KLF12: variants seen among roughly 807,000 people sequenced by gnomAD.
KLF12 encodes the protein Krueppel-like factor 12.
KLF12 carries 9 observed loss-of-function variants against 37.8 expected under a neutral mutation model. The ratio of observed to expected loss-of-function variants is 0.24; its 90% confidence interval spans 0.14 to 0.42. The LOEUF (loss-of-function observed/expected upper bound fraction) is 0.42. Among genes scored for constraint, KLF12 ranks in the 10% least tolerant of loss-of-function variants. The pLI, the probability that KLF12 is intolerant of heterozygous loss-of-function variation, is 1.00. For missense variants in KLF12, 411 were observed against 516.0 expected (o/e 0.80, Z 1.97); for synonymous variants, 208 against 202.1 (o/e 1.03, Z -0.25).
chr13:74,119,615 A>G (rs908116106), intron 1 of KLF12, among the ~76,000 whole-genome samples: 7 of 152,200 alleles, frequency 4.6e-5, no homozygotes, highest in Admixed American at 3.9e-4. Flanking sequence ...CACAGCAGGA[A>G]GAATTAGGAA....
chr13:74,152,766 C>T, the KLF12 span, among the ~76,000 whole-genome samples: 9 of 151,570 alleles, frequency 5.9e-5, no homozygotes, highest in East Asian at 1.6e-3. Flanking sequence ...CGTCAGTAGT[C>T]CCAGCTACTT....
intron 3 of KLF12, among the ~76,000 whole-genome samples, chr13:73,938,591 A>G (rs1465313383): frequency 2.0e-5 from 3 of 152,214 alleles, no homozygotes; most frequent in African/African-American, 7.2e-5. Flanking sequence ...GAGGAATAAC[A>G]AGAAACATAA....
the KLF12 span, among the ~76,000 whole-genome samples, chr13:74,167,896 C>A: frequency 6.6e-6 from 1 of 152,186 alleles, no homozygotes; most frequent in Non-Finnish European, 1.5e-5. Context: ...GAATGCAAGA[C>A]ACTAAAGTTA....
chr13:74,258,161 T>TGTGTGTGTGTG, the KLF12 span: 1 of 133,836 alleles, frequency 7.5e-6, no homozygotes, highest in Non-Finnish European at 1.6e-5. Context: ...ATTACTGTGT[T>TGTGTGTGTGTG]TGTGTGTGTG....
intron 2 of KLF12, among the ~76,000 whole-genome samples, chr13:73,982,447 AC>A (rs1475222812): frequency 1.3e-5 from 2 of 152,198 alleles, no homozygotes; most frequent in African/African-American, 4.8e-5. Flanking sequence ...GTAAACGTAC[AC>A]TTAGGCAAAG....
intron 1 of KLF12, among the ~76,000 whole-genome samples, chr13:74,037,804 C>A (rs7322163): frequency 1.3e-5 from 2 of 151,974 alleles, no homozygotes; most frequent in African/African-American, 4.8e-5. Context: ...GTGGACTGGG[C>A]AATGAATACA....
the KLF12 span, among the ~76,000 whole-genome samples, chr13:74,293,523 G>C: frequency 6.6e-6 from 1 of 152,246 alleles, no homozygotes; most frequent in East Asian, 1.9e-4. Context: ...GAAATGAACT[G>C]ACGGAAGTGT....
chr13:73,889,113 G>A (rs977167697), intron 3 of KLF12, among the ~76,000 whole-genome samples: 3 of 152,148 alleles, frequency 2.0e-5, no homozygotes, highest in African/African-American at 4.8e-5. Flanking sequence ...AGAATCCACG[G>A]GAGTGTGTGT....
chr13:73,834,902 C>T (rs918037518), intron 4 of KLF12, among the ~76,000 whole-genome samples: 1 of 152,154 alleles, frequency 6.6e-6, no homozygotes, highest in Non-Finnish European at 1.5e-5. Context: ...CCTAGTAGCA[C>T]ACAAGTTGCC....
At chr13:73,872,153 T>C (rs948520450) in intron 3 of KLF12, among the ~76,000 whole-genome samples, 10 of 152,152 alleles carry the variant, frequency 6.6e-5, no homozygotes, top group Non-Finnish European at 1.5e-5. Context: ...ATCCTGTTCA[T>C]GGTCAATGAT....
chr13:73,741,848 T>C (rs925438079), intron 6 of KLF12, among the ~76,000 whole-genome samples: 2 of 152,238 alleles, frequency 1.3e-5, no homozygotes, highest in Non-Finnish European at 1.5e-5. Context: ...TCATTTATCA[T>C]TTCACAAATA....
the KLF12 span, among the ~76,000 whole-genome samples, chr13:74,267,956 A>G: frequency 6.6e-6 from 1 of 152,168 alleles, no homozygotes; most frequent in South Asian, 2.1e-4. Flanking sequence ...TACGTAGTCA[A>G]AAGCCAAAGG....
intron 5 of KLF12, among the ~76,000 whole-genome samples, chr13:73,774,442 A>G (rs1156501823): frequency 1.3e-5 from 2 of 152,274 alleles, no homozygotes; most frequent in Admixed American, 1.3e-4. Context: ...GCATCGGCCC[A>G]CACCTGGAAC....
Position 74,065,275 on chromosome 13 carries a change from C to T in KLF12, c.-32+68464G>A, listed in dbSNP as rs576198002. On this transcript the variant is annotated intron_variant, in intron 1 of 7. Transcript: ENST00000377669. The stretch of plus-strand genomic sequence containing the variant: ...TACTACTCTGTATCTAATTCATATG[C>T]ACATACATATTGGCATGTATATACA... 1.1e-4 allele frequency among the ~76,000 whole-genome samples: 16 copies of T among 151,182 alleles called. No individual in the cohort carries two copies. The South Asian group carries it at 3.4e-3, about 32-fold the overall frequency.
chr13:74,073,232 T>C (rs1269865602), intron 1 of KLF12, among the ~76,000 whole-genome samples: 1 of 152,212 alleles, frequency 6.6e-6, no homozygotes, highest in East Asian at 1.9e-4. Flanking sequence ...AATGGACTAA[T>C]ACAGCCATCT....
the KLF12 span, chr13:74,258,960 G>A: frequency 6.6e-6 from 1 of 152,330 alleles, no homozygotes; most frequent in South Asian, 2.1e-4. Flanking sequence ...CTGGAAGACT[G>A]AGTAGAACAT....
At chr13:73,969,980 C>T (rs1891282647) in intron 2 of KLF12, among the ~76,000 whole-genome samples, 1 of 152,180 alleles carries the variant, frequency 6.6e-6, no homozygotes, top group South Asian at 2.1e-4. Context: ...CAAAACCTGA[C>T]AAATCCCACA....
At chr13:73,703,058 T>A (rs1357518771) in intron 7 of KLF12, among the ~76,000 whole-genome samples, 1 of 152,078 alleles carries the variant, frequency 6.6e-6, no homozygotes, top group Non-Finnish European at 1.5e-5. Flanking sequence ...GTCACCTATA[T>A]GAGATTGATC....
At chr13:73,827,623 C>T (rs547824173) in intron 4 of KLF12, among the ~76,000 whole-genome samples, 7 of 152,112 alleles carry the variant, frequency 4.6e-5, no homozygotes, top group Non-Finnish European at 7.4e-5. Context: ...AGTGCAATGG[C>T]GCAATCTTGG....
Sources: gnomAD v4.1 joint callset for allele counts (sites outside exome capture counted in the v4.1 genomes callset) on GRCh38, gnomAD v4.1.1 for gene constraint, MANE v1.5 for transcripts, NCBI Gene and HGNC (gene_info 2026-07-23, HGNC 2026-07-21) for gene names.